RAB19: variants seen among roughly 807,000 people sequenced by gnomAD.
RAB19 encodes ras-related protein Rab-19.
RAB19 carries 21 observed loss-of-function variants against 17.3 expected under a neutral mutation model. The observed-to-expected ratio is 1.21, with a 90% confidence interval of 0.86 to 1.74. The LOEUF is 1.74. Among genes scored for constraint, RAB19 ranks in the 40% most tolerant of loss-of-function variants. The probability of loss-of-function intolerance (pLI) is 0.00; values close to 1 mark genes in which losing one functional copy is unlikely to be tolerated. For synonymous variants in RAB19, 126 were observed against 110.4 expected, an observed-to-expected ratio of 1.14 and a Z score of -0.88; for missense variants, 277 against 286.8, an observed-to-expected ratio of 0.97 and a Z score of 0.25.
intron 2 of RAB19, among the ~76,000 whole-genome samples, chr7:140,408,404 C>T (rs1563068987): frequency 1.3e-5 from 2 of 151,726 alleles, no homozygotes; most frequent in Non-Finnish European, 2.9e-5. Flanking sequence ...CAAATTTATA[C>T]ATTTCTCTAA....
In RAB19 at chr7:140,407,770, T is replaced by C. The variant is rs1368428864; in HGVS notation, c.124T>C (p.Tyr42His). ...GGTGCAGCATTTCAAGTCTGGAGTC[T>C]ACACTGAGACACAGCAGAACACGAT... ...CVVQHFKSGV[Y>H]TETQQNTIGV... Residue 42 changes from tyrosine to histidine, a missense_variant, in exon 2 of 4, where the codon TAC (tyrosine) becomes CAC (histidine). By Grantham distance (83) the Tyr-to-His change is moderately conservative. Coordinates refer to ENST00000537763, the MANE Select transcript of RAB19 (RefSeq NM_001008749.3). 1 of 1,613,762 alleles carries C rather than the reference T, an allele frequency of 6.2e-7. No individual in the cohort carries two copies. Among genetic ancestry groups the C allele is most frequent in the East Asian group, 2.2e-5 (1 of 44,886 alleles).
At position 140,407,811 on chromosome 7, in the gene RAB19, C is replaced by A. The variant is rs142930039; in HGVS notation, c.165C>A (p.Thr55=). The change falls in exon 2 of 4, where the codon ACC becomes ACA. Residue 55 remains threonine, a synonymous_variant. Transcript: ENST00000537763. The part of the protein sequence containing the change: ...TQQNTIGVDF[T]VRSLDIDGKK... ...AGAACACGATTGGAGTGGACTTTAC[C>A]GTGCGTTCCCTTGATATTGACGGCA... is the stretch of plus-strand genomic sequence containing the variant. The A allele has an allele frequency of 3.1e-6, 5 of 1,612,650 alleles. No homozygotes were observed. Among genetic ancestry groups the A allele is most frequent in the Non-Finnish European group, 4.2e-6 (5 of 1,179,660 alleles).
chr7:140,427,632 A>T lies in RAB19; in HGVS notation c.*1482A>T, dbSNP rs971387546. The stretch of plus-strand genomic sequence containing the variant: ...ACGCCTAGCTAATTTTTGTGTTTTT[A>T]GTAGAGGCAGGGTTTCACCACGTTG... On this transcript the variant is annotated 3_prime_UTR_variant, in exon 4 of 4. Coordinates refer to ENST00000537763, the MANE Select transcript of RAB19 (RefSeq NM_001008749.3). Among the ~76,000 whole-genome samples, 2 of 150,518 alleles carry T rather than the reference A, an allele frequency of 1.3e-5. No homozygotes were observed. The highest frequency in any genetic ancestry group is 4.9e-5 in the African/African-American group (2 of 40,764).
chr7:140,412,088 T>C, intron 3 of RAB19, 31 bp downstream of exon 3: 1 of 1,581,780 alleles, frequency 6.3e-7, no homozygotes, highest in Non-Finnish European at 8.6e-7. Context: ...TTAACTTTTG[T>C]TTACTCTCCT....
intron 3 of RAB19, among the ~76,000 whole-genome samples, chr7:140,416,413 A>G (rs1283966559): frequency 1.3e-5 from 2 of 152,212 alleles, no homozygotes. Flanking sequence ...TTATCAAGAA[A>G]TGCACTGGTT....
chr7:140,407,462 G>A lies in RAB19; in HGVS notation c.-23-162G>A. 7 of 592,488 alleles carry A rather than the reference G, an allele frequency of 1.2e-5. 2 individuals are homozygous for A. The South Asian group carries it at 1.4e-4, about 12-fold the overall frequency. 36.7% of individuals were successfully genotyped at this position (592,488 alleles called of 1,614,324 possible). A position where few individuals can be genotyped will look rare whatever the true frequency, so the allele number is the denominator to read the frequency against. On this transcript the variant is annotated intron_variant, in intron 1 of 3. Transcript: ENST00000537763. ...CCCTAAAGTAAGATCAACACACGTA[G>A]GGCAGATGTCAGCTTATGGGGACAA...
At chr7:140,413,627 G>C (rs1348408480) in intron 3 of RAB19, among the ~76,000 whole-genome samples, 4 of 152,108 alleles carry the variant, frequency 2.6e-5, no homozygotes, top group Non-Finnish European at 5.9e-5. Flanking sequence ...ACTTGAGCCT[G>C]GGAATTTGAG....
chr7:140,406,967 C>T (rs1479058096), intron 1 of RAB19, among the ~76,000 whole-genome samples: 1 of 151,894 alleles, frequency 6.6e-6, no homozygotes, highest in African/African-American at 2.4e-5. Context: ...ATCACTGCAA[C>T]TTCCGCCTCC....
chr7:140,405,333 G>A (rs1799216963), intron 1 of RAB19, among the ~76,000 whole-genome samples: 1 of 152,212 alleles, frequency 6.6e-6, no homozygotes, highest in Admixed American at 6.5e-5. Flanking sequence ...CCATTCTCCT[G>A]CCTTAGCCTC....
At chr7:140,411,773 G>T (rs1372783433) in intron 2 of RAB19, 101 bp from the exon 3 acceptor site, 6 of 1,603,604 alleles carry the variant, frequency 3.7e-6, no homozygotes, top group East Asian at 2.2e-5. Context: ...ATATCTAGAA[G>T]TGAGACCCAG....
rs780164716 is a variant in RAB19 at position 140,427,678 on chromosome 7, C to T, written c.*1528C>T. Among the ~76,000 whole-genome samples the T allele has an allele frequency of 6.6e-6, 1 of 152,028 alleles. No individual in the cohort carries two copies. The highest frequency in any genetic ancestry group is 2.4e-5 in the African/African-American group (1 of 41,386). The stretch of plus-strand genomic sequence containing the variant: ...CGTTGGCCAGGCTGGTCTCGAACTC[C>T]TGACCTCATGATCCACCTGTCTCGT... On this transcript the variant is annotated 3_prime_UTR_variant, in exon 4 of 4. Coordinates refer to ENST00000537763, the MANE Select transcript of RAB19 (RefSeq NM_001008749.3).
rs369975658 is a variant in RAB19 at position 140,424,619 on chromosome 7, C to CTATA, written c.386-1245_386-1242dup. ...TCTCTCTCTCTCTCTCTCTCTCTCT[C>CTATA]TATATATATATATATATATATGTGT... On this transcript the variant is annotated intron_variant, in intron 3 of 3. Transcript: ENST00000537763. Among the ~76,000 whole-genome samples the CTATA allele has an allele frequency of 3.8e-3, 334 of 87,848 alleles. 2 individuals carry two copies. The highest frequency in any genetic ancestry group is 6.3e-3 in the Non-Finnish European group (270 of 42,558). 57.6% of individuals were successfully genotyped at this position (87,848 alleles called of 152,430 possible).
chr7:140,421,296 A>G (rs1799558963), intron 3 of RAB19, among the ~76,000 whole-genome samples: 1 of 152,064 alleles, frequency 6.6e-6, no homozygotes, highest in African/African-American at 2.4e-5. Context: ...GGCTGAAGCA[A>G]TCCTCCTGCC....
At chr7:140,417,417 A>G in intron 3 of RAB19, among the ~76,000 whole-genome samples, 1 of 151,476 alleles carries the variant, frequency 6.6e-6, no homozygotes, top group East Asian at 1.9e-4. Context: ...AAAAAAAAAA[A>G]AATCAAATCC....
intron 2 of RAB19, among the ~76,000 whole-genome samples, chr7:140,408,718 C>T (rs987861733): frequency 6.6e-6 from 1 of 152,022 alleles, no homozygotes; most frequent in African/African-American, 2.4e-5. Context: ...TCAAGTGATC[C>T]GCCCACCTCT....
chr7:140,421,695 T>G (rs1252464263), intron 3 of RAB19, among the ~76,000 whole-genome samples: 2 of 152,112 alleles, frequency 1.3e-5, no homozygotes, highest in Non-Finnish European at 1.5e-5. Flanking sequence ...AGATGGGGTC[T>G]TGCTGTATTG....
chr7:140,411,599 G>A (rs889404740), intron 2 of RAB19, among the ~76,000 whole-genome samples: 8 of 151,948 alleles, frequency 5.3e-5, no homozygotes, highest in Admixed American at 6.6e-5. Context: ...AATTTGTGTT[G>A]GGCTGCATTC....
intron 2 of RAB19, among the ~76,000 whole-genome samples, chr7:140,408,579 A>G (rs143473148): frequency 0.042 from 6,417 of 152,082 alleles, 128 homozygotes; most frequent in Non-Finnish European, 0.044. Flanking sequence ...GGGCTCAAGC[A>G]ATTCTCATGC....
rs1206123976 is a variant in RAB19, at chr7:140,412,086, T to C, written c.385+29T>C. On this transcript the variant is annotated intron_variant, in intron 3 of 3. Coordinates refer to ENST00000537763, the MANE Select transcript of RAB19 (RefSeq NM_001008749.3). ...TGGCATTTTTGAAGTTTTTAACTTT[T>C]GTTTACTCTCCTCTGAGGATGCTCA... 1.9e-6 allele frequency: 3 copies of C among 1,585,170 alleles called. No homozygotes were observed. In the African/African-American group the frequency reaches 4.0e-5, roughly 21 times the overall value.
Sources: allele counts gnomAD v4.1 joint callset (sites outside exome capture counted in the v4.1 genomes callset), GRCh38; gene constraint gnomAD v4.1.1; transcripts MANE v1.5; gene names NCBI Gene and HGNC (gene_info 2026-07-23, HGNC 2026-07-21).